UBIAD1: variants seen among roughly 807,000 people sequenced by gnomAD.
UBIAD1 encodes the protein ubiA prenyltransferase domain-containing protein 1.
UBIAD1 carries 12 observed loss-of-function variants against 20.1 expected under a neutral mutation model. The ratio of observed to expected loss-of-function variants is 0.60; its 90% CI spans 0.38 to 0.97. The LOEUF (loss-of-function observed/expected upper bound fraction) is 0.97. UBIAD1 is among the 50% of genes least tolerant of loss of function. The pLI, the probability that UBIAD1 is intolerant of heterozygous loss-of-function variation, is 0.00. For synonymous variants in UBIAD1, 207 were observed against 189.2 expected (o/e 1.09, Z -0.77); for missense variants, 333 against 419.5 (o/e 0.79, Z 1.80).
At chr1:11,275,276 T>A (rs1651975822) in intron 1 of UBIAD1, among the ~76,000 whole-genome samples, 1 of 152,356 alleles carries the variant, frequency 6.6e-6, no homozygotes. Flanking sequence ...CTAAGTCGGA[T>A]GTGCGACTTC....
intron 1 of UBIAD1, among the ~76,000 whole-genome samples, chr1:11,283,212 C>T (rs1188702379): frequency 6.6e-6 from 1 of 152,146 alleles, no homozygotes; most frequent in African/African-American, 2.4e-5. Context: ...TTGGAGACTC[C>T]AGCCAAAGGT....
At position 11,273,849 on chromosome 1, in the gene UBIAD1, CTT is replaced by C. The variant is rs1324832000; in HGVS notation, c.321_322del (p.Ser108GlnfsTer4). 6.2e-7 allele frequency: 1 copy of C among 1,614,192 alleles called. No individual in the cohort carries two copies. Among genetic ancestry groups the C allele is most frequent in the Non-Finnish European group, 8.5e-7 (1 of 1,180,034 alleles). On this transcript the variant is annotated frameshift_variant, in exon 1 of 2. Coordinates refer to ENST00000376810, the MANE Select transcript of UBIAD1 (RefSeq NM_013319.3). LOFTEE classifies it high-confidence loss of function. The surrounding 1 kb of genome is among the most constrained non-coding windows in gnomAD (Gnocchi z 4.9). Reference sequence around the variant, plus strand: ...GTAATTTGGTCAACACTTACTATGACTTTTCCAAGGGCATTGACCACAAAAAG... The same window carrying C: ...GTAATTTGGTCAACACTTACTATGACTTCCAAGGGCATTGACCACAAAAAG... ...AGNLVNTYYD[F>X]SKGIDHKKSD... is the part of the protein sequence containing the mutation.
rs1173166288 is a variant in UBIAD1 at position 11,280,394 on chromosome 1, T to A, written c.530-5250T>A. 2.6e-5 allele frequency among the ~76,000 whole-genome samples: 4 copies of A among 152,138 alleles called. No individual in the cohort carries two copies. In the South Asian group the frequency reaches 8.3e-4, roughly 32 times the overall value. On this transcript the variant is annotated intron_variant, in intron 1 of 1. Transcript: ENST00000376810. Reference sequence around the variant, plus strand: ...AGTCCTTGGGCCTCTTTTCTCTATCTCCATGTACTCCCTTGGTGATGTAGC... The same window carrying A: ...AGTCCTTGGGCCTCTTTTCTCTATCACCATGTACTCCCTTGGTGATGTAGC...
At chr1:11,290,295 G>C (rs1638348063), downstream of UBIAD1, among the ~76,000 whole-genome samples, 1 of 152,354 alleles carries the variant, frequency 6.6e-6, no homozygotes, top group East Asian at 1.9e-4. Flanking sequence ...TGTGGGGCCA[G>C]AGCCAGGGAT....
At chr1:11,278,769 A>C in intron 1 of UBIAD1, 1 of 546,460 alleles carries the variant, frequency 1.8e-6, no homozygotes, top group Non-Finnish European at 3.3e-6. Flanking sequence ...ATCCCACTGG[A>C]GTTATTTATT....
intron 1 of UBIAD1, among the ~76,000 whole-genome samples, chr1:11,277,318 G>A (rs1652071624): frequency 6.8e-6 from 1 of 146,050 alleles, no homozygotes; most frequent in Non-Finnish European, 1.5e-5. Context: ...TTAATTTAAC[G>A]GAGTCTTGCT....
At position 11,273,445 on chromosome 1, in the gene UBIAD1, T is replaced by C. The variant is rs1265334560; in HGVS notation, c.-87T>C. 1 of 1,553,680 alleles carries C rather than the reference T, an allele frequency of 6.4e-7. No individual in the cohort carries two copies. Among genetic ancestry groups the C allele is most frequent in the Non-Finnish European group, 8.8e-7 (1 of 1,138,560 alleles). ...GCGGAACCGAAGGAAGGTCGGGCCC[T>C]GCTGCCCCGCCCCGTCCTTCCTCCT... On this transcript the variant is annotated 5_prime_UTR_variant, in exon 1 of 2. Coordinates refer to ENST00000376810, the MANE Select transcript of UBIAD1 (RefSeq NM_013319.3). This position sits in a 1 kb window ranked among gnomAD's most constrained non-coding sequence, Gnocchi z 4.9.
chr1:11,285,796 A>G lies in UBIAD1; in HGVS notation c.682A>G (p.Ile228Val), dbSNP rs1638252219. Reference protein sequence around the residue: ...AIPLALSTEAILHSNNTRDME... With the variant: ...AIPLALSTEAVLHSNNTRDME... ...CCCCCTCGCCCTCAGCACCGAGGCC[A>G]TTCTCCATTCCAACAACACCAGGGA... is the stretch of plus-strand genomic sequence containing the variant. Residue 228 changes from isoleucine (I) to valine (V), a missense_variant, in exon 2 of 2, where the codon ATT (isoleucine) becomes GTT (valine). Ile to Val is a conservative substitution (Grantham distance 29, BLOSUM62 3). Transcript: ENST00000376810. The surrounding 1 kb of genome is among the most constrained non-coding windows in gnomAD (Gnocchi z 4.4). 1 of 1,614,024 alleles carries G rather than the reference A, an allele frequency of 6.2e-7. No homozygotes were observed. Among genetic ancestry groups the G allele is most frequent in the African/African-American group, 1.3e-5 (1 of 74,906 alleles).
Position 11,286,650 on chromosome 1 carries a change from G to A in UBIAD1, c.*519G>A, listed in dbSNP as rs937500463. 24 of 176,586 alleles carry A rather than the reference G, an allele frequency of 1.4e-4. No individual in the cohort carries two copies. Among genetic ancestry groups the A allele is most frequent in the Non-Finnish European group, 2.1e-4 (17 of 82,296 alleles). 10.9% of individuals were successfully genotyped at this position (176,586 alleles called of 1,614,324 possible). A position where few individuals can be genotyped will look rare whatever the true frequency, so the allele number is the denominator to read the frequency against. ...CTGTGTCCTGAGATACGCTGCCTGA[G>A]ACAGAGAGAGTCCCTCATTAACAGC... On this transcript the variant is annotated 3_prime_UTR_variant, in exon 2 of 2. Coordinates refer to ENST00000376810, the MANE Select transcript of UBIAD1 (RefSeq NM_013319.3).
intron 1 of UBIAD1, among the ~76,000 whole-genome samples, chr1:11,280,069 C>T (rs762131645): frequency 3.9e-5 from 6 of 152,128 alleles, no homozygotes; most frequent in Non-Finnish European, 8.8e-5. Flanking sequence ...ATAGAAAGTA[C>T]AAGGTGGTGG....
At chr1:11,274,957 T>C (rs1651958083) in intron 1 of UBIAD1, among the ~76,000 whole-genome samples, 1 of 152,208 alleles carries the variant, frequency 6.6e-6, no homozygotes, top group African/African-American at 2.4e-5. Context: ...ACTCATACTT[T>C]ATAATGCCAC....
At chr1:11,292,698 C>T (rs1638386610), downstream of UBIAD1, among the ~76,000 whole-genome samples, 1 of 151,164 alleles carries the variant, frequency 6.6e-6, no homozygotes, top group Admixed American at 6.6e-5. Flanking sequence ...CACACACACA[C>T]ACACACACAC....
chr1:11,284,727 G>A (rs1012677070), intron 1 of UBIAD1, among the ~76,000 whole-genome samples: 1 of 152,170 alleles, frequency 6.6e-6, no homozygotes, highest in Non-Finnish European at 1.5e-5. Context: ...GCCTCCCAGA[G>A]TGCTGGGATT....
At chr1:11,282,329 G>A (rs180965250) in intron 1 of UBIAD1, among the ~76,000 whole-genome samples, 7 of 152,164 alleles carry the variant, frequency 4.6e-5, no homozygotes, top group African/African-American at 1.7e-4. Flanking sequence ...AGAAAATGGG[G>A]TTGGGAGAGG....
chr1:11,276,663 CAA>C (rs765905706), intron 1 of UBIAD1, among the ~76,000 whole-genome samples: 47 of 71,758 alleles, frequency 6.5e-4, no homozygotes, highest in South Asian at 1.0e-3. Context: ...GGCTCCATCT[CAA>C]AAAAAAAAAA....
downstream of UBIAD1, among the ~76,000 whole-genome samples, chr1:11,291,570 G>T (rs1638366225): frequency 6.9e-6 from 1 of 144,528 alleles, no homozygotes; most frequent in South Asian, 2.2e-4. Context: ...TCGTGCCACT[G>T]CACTCCAGCC....
Position 11,273,233 on chromosome 1 carries a change from A to T in UBIAD1, c.-299A>T, listed in dbSNP as rs1169201159. 1 of 403,416 alleles carries T rather than the reference A, an allele frequency of 2.5e-6. No individual in the cohort carries two copies. Among genetic ancestry groups the T allele is most frequent in the Non-Finnish European group, 4.6e-6 (1 of 219,208 alleles). The allele number at this position is 403,416 out of a possible 1,614,324, so 25.0% of individuals were successfully genotyped here. On this transcript the variant is annotated 5_prime_UTR_variant, in exon 1 of 2. The change abolishes an upstream ATG in the 5' untranslated region. Transcript: ENST00000376810. The surrounding 1 kb of genome is among the most constrained non-coding windows in gnomAD (Gnocchi z 4.9). ...GGGCCTCCAGAGGCCGGCGCACAAG[A>T]TGGCGGCTCTGGCGGCCTAAAGAAG...
rs1569904127 is a variant in UBIAD1 at position 11,286,332 on chromosome 1, A to G, written c.*201A>G. On this transcript the variant is annotated 3_prime_UTR_variant, in exon 2 of 2. Coordinates refer to ENST00000376810, the MANE Select transcript of UBIAD1 (RefSeq NM_013319.3). ...GTTTTTTCCATTTTATGGGGAATTT[A>G]AAAACCATTCTTGTATCAGAAGGTG... 1.5e-6 allele frequency: 1 copy of G among 685,472 alleles called. No individual in the cohort carries two copies. Among genetic ancestry groups the G allele is most frequent in the Middle Eastern group, 4.1e-4 (1 of 2,418 alleles). 42.5% of individuals were successfully genotyped at this position (685,472 alleles called of 1,614,324 possible).
In UBIAD1 at chr1:11,285,610, T is replaced by C. The variant is rs1053401905; in HGVS notation, c.530-34T>C. ...ACAGTCCCTAAATTTCCAGCCTTGGTCTCACACCAACTCTCTGGATTTTCT... is the reference window on the plus strand; with the variant it reads ...ACAGTCCCTAAATTTCCAGCCTTGGCCTCACACCAACTCTCTGGATTTTCT... On this transcript the variant is annotated intron_variant, in intron 1 of 1. Transcript: ENST00000376810. The surrounding 1 kb of genome is among the most constrained non-coding windows in gnomAD (Gnocchi z 4.4). 6.2e-7 allele frequency: 1 copy of C among 1,613,920 alleles called. No individual in the cohort carries two copies.
Sources: allele counts gnomAD v4.1 joint callset (sites outside exome capture counted in the v4.1 genomes callset), GRCh38; gene constraint gnomAD v4.1.1; non-coding constraint Gnocchi (gnomAD v3.1); transcripts MANE v1.5; gene names NCBI Gene and HGNC (gene_info 2026-07-23, HGNC 2026-07-21).